Variants in SCML4 observed in about 807,000 individuals in gnomAD.
SCML4 encodes the protein Scm polycomb group protein like 4.
In SCML4, 34 loss-of-function variants were observed where a neutral mutation model predicts 41.1. The ratio of observed to expected loss-of-function variants is 0.83; its 90% CI spans 0.63 to 1.10. The LOEUF is 1.10. Ranked by LOEUF, SCML4 falls within the 50% of genes least tolerant of loss-of-function variation. The pLI is 0.00. For missense variants in SCML4, 522 were observed against 534.1 expected (o/e 0.98, Z 0.22); for synonymous variants, 214 against 220.9 (o/e 0.97, Z 0.28).
At chr6:107,712,774 C>T (rs992463026) in intron 6 of SCML4, among the ~76,000 whole-genome samples, 1 of 152,168 alleles carries the variant, frequency 6.6e-6, no homozygotes, top group Non-Finnish European at 1.5e-5. Flanking sequence ...ATAATAAATA[C>T]ACTAGCCACT....
chr6:107,777,325 C>T (rs1781037106), intron 1 of SCML4, among the ~76,000 whole-genome samples: 1 of 152,152 alleles, frequency 6.6e-6, no homozygotes, highest in Non-Finnish European at 1.5e-5. Context: ...ACCATGTTTG[C>T]ATGATTGGTC....
chr6:107,757,413 G>C (rs1436113924), intron 2 of SCML4, among the ~76,000 whole-genome samples: 4 of 152,194 alleles, frequency 2.6e-5, no homozygotes, highest in African/African-American at 9.7e-5. Context: ...GGTAGCAAGA[G>C]GTGGATAATC....
chr6:107,743,873 G>A (rs1213086907), intron 5 of SCML4: 4 of 152,192 alleles, frequency 2.6e-5, no homozygotes, highest in Admixed American at 6.5e-5. Flanking sequence ...CTCTTGAATT[G>A]GAGACACAGC....
chr6:107,769,385 A>AAGCAGTTAAGTGTCACAC (rs1780333091), intron 2 of SCML4, among the ~76,000 whole-genome samples: 1 of 152,204 alleles, frequency 6.6e-6, no homozygotes, highest in South Asian at 2.1e-4. Flanking sequence ...TATCCTCAGG[A>AAGCAGTTAAGTGTCACAC]AGCAGTTAAG....
intron 1 of SCML4, among the ~76,000 whole-genome samples, chr6:107,776,390 A>C (rs2139081): frequency 0.93 from 141,728 of 151,964 alleles, 66,808 homozygotes; most frequent in Non-Finnish European, 1. Context: ...AAACTCACTC[A>C]CCCAATACAC....
At chr6:107,805,834 T>C (rs969348295) in intron 1 of SCML4, among the ~76,000 whole-genome samples, 2 of 152,164 alleles carry the variant, frequency 1.3e-5, no homozygotes, top group East Asian at 1.9e-4. Flanking sequence ...TGAAATACAA[T>C]ATTCCTAATT....
At chr6:107,833,019 G>A in the SCML4 span, among the ~76,000 whole-genome samples, 1 of 152,320 alleles carries the variant, frequency 6.6e-6, no homozygotes, top group South Asian at 2.1e-4. Context: ...TGAGTCTAGG[G>A]AAGGAGGCCA....
chr6:107,736,255 G>T (rs148899670), intron 5 of SCML4, among the ~76,000 whole-genome samples: 1 of 152,158 alleles, frequency 6.6e-6, no homozygotes, highest in Non-Finnish European at 1.5e-5. Context: ...TGAGGGCTGG[G>T]GTTTGTTCTG....
chr6:107,818,522 C>T (rs562208241), intron 1 of SCML4, among the ~76,000 whole-genome samples: 1 of 152,294 alleles, frequency 6.6e-6, no homozygotes, highest in East Asian at 1.9e-4. Flanking sequence ...ACCAAAATTT[C>T]CCAATAATGA....
intron 5 of SCML4, among the ~76,000 whole-genome samples, chr6:107,722,548 T>C (rs979031616): frequency 6.6e-6 from 1 of 151,292 alleles, no homozygotes; most frequent in Non-Finnish European, 1.5e-5. Context: ...ATATGAAAAA[T>C]AAAAACAAAA....
chr6:107,754,141 G>A (rs1778917598), intron 2 of SCML4, among the ~76,000 whole-genome samples: 1 of 152,210 alleles, frequency 6.6e-6, no homozygotes, highest in South Asian at 2.1e-4. Flanking sequence ...AAGCACATTG[G>A]CTGCACAGTG....
At chr6:107,714,274 C>T (rs1243926227) in intron 6 of SCML4, among the ~76,000 whole-genome samples, 1 of 152,166 alleles carries the variant, frequency 6.6e-6, no homozygotes, top group Non-Finnish European at 1.5e-5. Flanking sequence ...CCTTCTTGGC[C>T]ACCAGAAGAC....
intron 6 of SCML4, among the ~76,000 whole-genome samples, chr6:107,712,431 C>G (rs951852036): frequency 6.6e-6 from 1 of 152,148 alleles, no homozygotes; most frequent in Non-Finnish European, 1.5e-5. Flanking sequence ...AGCCAGGTGG[C>G]TGGTTTGTCT....
chr6:107,843,222 C>T, the SCML4 span, among the ~76,000 whole-genome samples: 31 of 151,936 alleles, frequency 2.0e-4, no homozygotes, highest in Non-Finnish European at 3.2e-4. Context: ...AACAAACAAA[C>T]GATTGATCAA....
intron 2 of SCML4, among the ~76,000 whole-genome samples, chr6:107,763,247 T>C (rs1779755507): frequency 6.6e-6 from 1 of 152,130 alleles, no homozygotes; most frequent in Non-Finnish European, 1.5e-5. Context: ...ACTGAATGTT[T>C]GTGTACCCTC....
At chr6:107,781,715 C>T (rs932706791) in intron 1 of SCML4, among the ~76,000 whole-genome samples, 2 of 151,324 alleles carry the variant, frequency 1.3e-5, no homozygotes, top group Non-Finnish European at 2.9e-5. Context: ...TTCAACAGAA[C>T]GTTCAAGGGT....
chr6:107,777,769 C>A (rs986372835), intron 1 of SCML4, among the ~76,000 whole-genome samples: 4 of 152,086 alleles, frequency 2.6e-5, no homozygotes, highest in South Asian at 4.1e-4. Flanking sequence ...ACCCTCCTTG[C>A]CACCACCTCC....
At chr6:107,746,942 C>A in intron 3 of SCML4, 53 bp from the exon 4 acceptor site, 1 of 1,490,410 alleles carries the variant, frequency 6.7e-7, no homozygotes. Flanking sequence ...ATCAGGCCAG[C>A]TGGCGGCCTC....
upstream of SCML4, among the ~76,000 whole-genome samples, chr6:107,826,936 G>A (rs1284294899): frequency 6.6e-5 from 10 of 152,116 alleles, no homozygotes; most frequent in South Asian, 2.1e-4. Flanking sequence ...GGTGGCAGGC[G>A]CCTGTAGTCC....
Sources: gnomAD v4.1 joint callset for allele counts (sites outside exome capture counted in the v4.1 genomes callset) on GRCh38, gnomAD v4.1.1 for gene constraint, MANE v1.5 for transcripts, NCBI Gene and HGNC (gene_info 2026-07-23, HGNC 2026-07-21) for gene names.